SLC37A2: variants seen among roughly 807,000 people sequenced by gnomAD.
SLC37A2 encodes solute carrier family 37 member 2, also known as glucose-6-phosphate exchanger SLC37A2.
In SLC37A2, 59 loss-of-function variants were observed where a neutral mutation model predicts 70.7. That is an observed-to-expected ratio of 0.83 (90% CI 0.68 to 1.04). The LOEUF is 1.04. SLC37A2 is among the 50% of genes least tolerant of loss of function. The probability of loss-of-function intolerance (pLI) is 0.00; values close to 1 mark genes in which losing one functional copy is unlikely to be tolerated. For missense variants in SLC37A2, 580 were observed against 658.1 expected, an observed-to-expected ratio of 0.88 and a Z score of 1.30; for synonymous variants, 257 against 262.1, an observed-to-expected ratio of 0.98 and a Z score of 0.19.
At chr11:125,072,458 G>A (rs1040086521) in intron 1 of SLC37A2, among the ~76,000 whole-genome samples, 18 of 152,166 alleles carry the variant, frequency 1.2e-4, no homozygotes, top group Admixed American at 2.6e-4. Context: ...TGGAGCAGCC[G>A]GGGGCCTTCC....
In SLC37A2 at chr11:125,088,396, G is replaced by T. The variant is rs756144222; in HGVS notation, c.*262G>T. ...AAAGGGATGGGACTAGGGCTGAGTT[G>T]TGTCTCCATTTTGATAAGGAAAGGA... On this transcript the variant is annotated 3_prime_UTR_variant, in exon 18 of 18. Coordinates refer to ENST00000403796, the MANE Select transcript of SLC37A2 (RefSeq NM_001145290.2). The T allele has an allele frequency of 1.0e-5, 5 of 492,932 alleles. No homozygotes were observed. Among genetic ancestry groups the T allele is most frequent in the Admixed American group, 6.8e-5 (2 of 29,436 alleles). The allele number at this position is 492,932 out of a possible 1,614,324, so 30.5% of individuals were successfully genotyped here. A position where few individuals can be genotyped will look rare whatever the true frequency, so the allele number is the denominator to read the frequency against.
intron 7 of SLC37A2, 70 bp from the exon 8 acceptor site, chr11:125,081,351 C>T (rs1343686491): frequency 4.7e-6 from 7 of 1,492,690 alleles, no homozygotes; most frequent in Non-Finnish European, 6.4e-6. Context: ...AAGGTGAGGG[C>T]CTGGCAATCA....
rs372509632 is a variant in SLC37A2 at position 125,078,136 on chromosome 11, G to A, written c.314+608G>A. On this transcript the variant is annotated intron_variant, in intron 4 of 17. Transcript: ENST00000403796. ...TGATGCAAGGGACTTGGGTGCGGCG[G>A]TGCAGATGGAGACCTGGGCAGAAGG... Among the ~76,000 whole-genome samples the A allele has an allele frequency of 2.0e-5, 3 of 152,318 alleles. No homozygotes were observed. In the East Asian group the frequency reaches 5.8e-4, roughly 29 times the overall value.
chr11:125,088,097 C>T (rs957542703), intron 17 of SLC37A2, 22 bp from the exon 18 acceptor site: 2 of 1,551,596 alleles, frequency 1.3e-6, no homozygotes, highest in Admixed American at 2.0e-5. Context: ...TCTCTTCTGT[C>T]CCCCCTCTCC....
chr11:125,069,570 C>G (rs1169058374), intron 1 of SLC37A2, among the ~76,000 whole-genome samples: 1 of 152,184 alleles, frequency 6.6e-6, no homozygotes, highest in South Asian at 2.1e-4. Context: ...AGAATCATCT[C>G]CATTAGGAGA....
At chr11:125,066,758 A>G (rs1190320342) in intron 1 of SLC37A2, among the ~76,000 whole-genome samples, 1 of 150,732 alleles carries the variant, frequency 6.6e-6, no homozygotes, top group Non-Finnish European at 1.5e-5. Context: ...AAATTTTAAG[A>G]TATAATATAT....
At chr11:125,085,298 C>T (rs192317625) in intron 14 of SLC37A2, 97 bp from the exon 15 acceptor site, 2 of 1,362,020 alleles carry the variant, frequency 1.5e-6, no homozygotes, top group African/African-American at 2.9e-5. Flanking sequence ...AAGCCCAAAC[C>T]CCAGTTACCA....
intron 1 of SLC37A2, among the ~76,000 whole-genome samples, chr11:125,074,024 C>T (rs1045119913): frequency 1.3e-5 from 2 of 152,218 alleles, no homozygotes; most frequent in Non-Finnish European, 2.9e-5. Context: ...ACCTGAGGCC[C>T]CTGCCCTTCC....
chr11:125,077,073 G>T (rs1565396780), intron 2 of SLC37A2, among the ~76,000 whole-genome samples, 157 bp from the exon 3 acceptor site: 1 of 152,172 alleles, frequency 6.6e-6, no homozygotes, highest in Non-Finnish European at 1.5e-5. Flanking sequence ...GGTCTGATGT[G>T]GCTGCTTTCC....
At position 125,090,231 on chromosome 11, in the gene SLC37A2, GT is replaced by G. The variant is rs774810201; in HGVS notation, c.*2098del. The G allele has an allele frequency of 6.6e-6, 1 of 151,928 alleles. No homozygotes were observed. The highest frequency in any genetic ancestry group is 1.5e-5 in the Non-Finnish European group (1 of 68,058). The allele number at this position is 151,928 out of a possible 1,614,324, so 9.4% of individuals were successfully genotyped here. A position where few individuals can be genotyped will look rare whatever the true frequency, so the allele number is the denominator to read the frequency against. ...TTGTGAGTGCACCAATCAACACTCT[GT>G]ATCTAGCTGCTCTGGTGGGGCCTTG... is the stretch of plus-strand genomic sequence containing the variant. On this transcript the variant is annotated 3_prime_UTR_variant, in exon 18 of 18. Coordinates refer to ENST00000403796, the MANE Select transcript of SLC37A2 (RefSeq NM_001145290.2).
chr11:125,084,014 A>C, intron 11 of SLC37A2, 137 bp downstream of exon 11: 1 of 981,016 alleles, frequency 1.0e-6, no homozygotes, highest in South Asian at 1.4e-5. Context: ...GTTTATTCTC[A>C]GCTCTGATCC....
Position 125,080,888 on chromosome 11 carries a change from GC to G in SLC37A2, c.694+110del, listed in dbSNP as rs549599231. ...TGCTGGTCACAGAGTGGGAGGACCAGCCGTGTGACTTTGGACAATCTTTCAG... is the reference window on the plus strand; with the variant it reads ...TGCTGGTCACAGAGTGGGAGGACCAGCGTGTGACTTTGGACAATCTTTCAG... On this transcript the variant is annotated intron_variant, in intron 7 of 17. Coordinates refer to ENST00000403796, the MANE Select transcript of SLC37A2 (RefSeq NM_001145290.2). This position sits in a 1 kb window ranked among gnomAD's most constrained non-coding sequence, Gnocchi z 4.3. The G allele has an allele frequency of 4.1e-6, 4 of 971,484 alleles. No homozygotes were observed. Among genetic ancestry groups the G allele is most frequent in the Non-Finnish European group, 5.5e-6 (4 of 722,382 alleles). The allele number at this position is 971,484 out of a possible 1,614,324, so 60.2% of individuals were successfully genotyped here. A position where few individuals can be genotyped will look rare whatever the true frequency, so the allele number is the denominator to read the frequency against.
chr11:125,088,229 G>A lies in SLC37A2; in HGVS notation c.*95G>A. On this transcript the variant is annotated 3_prime_UTR_variant, in exon 18 of 18. Transcript: ENST00000403796. ...ATGGAAACTTCCACAAGCAGGGAAG[G>A]CAAACCCTCTTTATTGAACATTAGC... is the stretch of plus-strand genomic sequence containing the variant. 7.1e-7 allele frequency: 1 copy of A among 1,399,768 alleles called. No homozygotes were observed. The highest frequency in any genetic ancestry group is 2.5e-5 in the East Asian group (1 of 40,030). The allele number at this position is 1,399,768 out of a possible 1,614,324, so 86.7% of individuals were successfully genotyped here. A position where few individuals can be genotyped will look rare whatever the true frequency, so the allele number is the denominator to read the frequency against.
At chr11:125,081,379 CG>C in intron 7 of SLC37A2, 41 bp from the exon 8 acceptor site, 1 of 1,199,720 alleles carries the variant, frequency 8.3e-7, no homozygotes, top group Admixed American at 2.2e-5. Context: ...ATTGGGGGGG[CG>C]GGGGTTGGGA....
chr11:125,085,964 G>A lies in SLC37A2; in HGVS notation c.1436G>A (p.Arg479Gln), dbSNP rs201149895. 54 of 1,613,986 alleles carry A rather than the reference G, an allele frequency of 3.3e-5. No individual in the cohort carries two copies. Among genetic ancestry groups the A allele is most frequent in the Non-Finnish European group, 4.0e-5 (47 of 1,179,982 alleles). Residue 479 changes from arginine (R) to glutamine (Q), a missense_variant, in exon 17 of 18, where the codon CGG (arginine) becomes CAG (glutamine). Physicochemically the swap from Arg to Gln is conservative, Grantham distance 43 (BLOSUM62 1). Coordinates refer to ENST00000403796, the MANE Select transcript of SLC37A2 (RefSeq NM_001145290.2). ...ADVLACLLLC[R>Q]LVYKEILAWK... ...CCTTGTGCTCCACAGCTCCTTTGCC[G>A]GTTAGTATACAAAGAGATCTTGGCC...
Position 125,084,928 on chromosome 11 carries a change from GC to G in SLC37A2, c.1174+59del. On this transcript the variant is annotated intron_variant, in intron 13 of 17. Transcript: ENST00000403796. ...CCAGGGGAAAGGCACTGCCTTGGGG[GC>G]CCCATGAGGCTGGCCCACGGGGGGC... 3.1e-6 allele frequency: 5 copies of G among 1,607,860 alleles called. No individual in the cohort carries two copies. The South Asian group carries it at 5.5e-5, about 18-fold the overall frequency.
chr11:125,072,618 C>T (rs944143236), intron 1 of SLC37A2, among the ~76,000 whole-genome samples: 7 of 152,272 alleles, frequency 4.6e-5, no homozygotes, highest in Middle Eastern at 3.4e-3. Flanking sequence ...TCTTGATTCA[C>T]GAGGGAAGGA....
At position 125,084,239 on chromosome 11, in the gene SLC37A2, A is replaced by G; in HGVS notation, c.1045A>G (p.Ile349Val). The G allele has an allele frequency of 6.2e-7, 1 of 1,614,188 alleles. No individual in the cohort carries two copies. The highest frequency in any genetic ancestry group is 1.1e-5 in the South Asian group (1 of 91,078). ...TGAGTGGCTGTGTGTTCCAGGCGGC[A>G]TCGTGGCAGGGCTCGTCTCTGACTA... ...LFDVGGIIGG[I>V]VAGLVSDYTN... The change falls in exon 12 of 18, where the codon ATC becomes GTC. Residue 349 changes from isoleucine (I) to valine (V), a missense_variant. Physicochemically the swap from Ile to Val is conservative, Grantham distance 29. Transcript: ENST00000403796.
At position 125,079,764 on chromosome 11, in the gene SLC37A2, A is replaced by G; in HGVS notation, c.527+4A>G. Reference sequence around the variant, plus strand: ...GCAACTGGTTCGGGAAGGGGAAGTGAGTGTAACAAGGGAGGAGGAGTGGGA... The same window carrying G: ...GCAACTGGTTCGGGAAGGGGAAGTGGGTGTAACAAGGGAGGAGGAGTGGGA... On this transcript the variant is annotated splice_donor_region_variant and intron_variant, in intron 6 of 17. Coordinates refer to ENST00000403796, the MANE Select transcript of SLC37A2 (RefSeq NM_001145290.2). The G allele has an allele frequency of 6.2e-7, 1 of 1,605,972 alleles. No homozygotes were observed. The highest frequency in any genetic ancestry group is 8.5e-7 in the Non-Finnish European group (1 of 1,175,360).
Sources: allele counts gnomAD v4.1 joint callset (sites outside exome capture counted in the v4.1 genomes callset), GRCh38; gene constraint gnomAD v4.1.1; non-coding constraint Gnocchi (gnomAD v3.1); transcripts MANE v1.5; gene names NCBI Gene and HGNC (gene_info 2026-07-23, HGNC 2026-07-21).